TXNL4A: variants seen among roughly 807,000 people sequenced by gnomAD.
TXNL4A encodes the protein thioredoxin like 4A, also known as thioredoxin-like protein 4A.
A neutral mutation model predicts 14.6 loss-of-function variants in TXNL4A; 17 were observed. The observed-to-expected ratio is 1.16, with a 90% confidence interval of 0.80 to 1.74. The LOEUF (loss-of-function observed/expected upper bound fraction) is 1.74. Among genes scored for constraint, TXNL4A ranks in the 40% most tolerant of loss-of-function variants. The probability of loss-of-function intolerance (pLI) is 0.00; values close to 1 mark genes in which losing one functional copy is unlikely to be tolerated. For synonymous variants in TXNL4A, 83 were observed against 70.6 expected, an observed-to-expected ratio of 1.18 and a Z score of -0.88; for missense variants, 74 against 195.2, an observed-to-expected ratio of 0.38 and a Z score of 3.70.
chr18:79,986,765 A>G (rs901679138), intron 1 of TXNL4A: 1 of 985,494 alleles, frequency 1.0e-6, no homozygotes, highest in South Asian at 4.7e-5. Context: ...AATGTAGAAC[A>G]GTGAAAGATT....
At chr18:80,027,133 C>T (rs2145130381) in intron 1 of TXNL4A, among the ~76,000 whole-genome samples, 1 of 152,202 alleles carries the variant, frequency 6.6e-6, no homozygotes, top group East Asian at 1.9e-4. Context: ...GGAAAATATT[C>T]TCAGCCATTC....
intron 1 of TXNL4A, among the ~76,000 whole-genome samples, chr18:80,031,434 G>A (rs1448869110): frequency 1.2e-4 from 18 of 152,194 alleles, no homozygotes; most frequent in Non-Finnish European, 1.5e-5. Context: ...ATGCTCCCCA[G>A]GTTATGCTTG....
chr18:79,989,539 T>G (rs1157848601), upstream of TXNL4A, among the ~76,000 whole-genome samples: 3 of 152,136 alleles, frequency 2.0e-5, no homozygotes, highest in African/African-American at 7.2e-5. Flanking sequence ...CAAAGAGAAA[T>G]AAGTTAATAT....
At chr18:80,006,885 CCTTTT>C (rs1268223240) in intron 1 of TXNL4A, among the ~76,000 whole-genome samples, 1 of 152,186 alleles carries the variant, frequency 6.6e-6, no homozygotes, top group Non-Finnish European at 1.5e-5. Flanking sequence ...GCCAACTCAT[CCTTTT>C]ATTATGCAAA....
intron 1 of TXNL4A, among the ~76,000 whole-genome samples, chr18:79,981,336 T>C (rs1450779931): frequency 1.3e-5 from 2 of 152,186 alleles, no homozygotes; most frequent in Non-Finnish European, 1.5e-5. Context: ...TAGTAAATAT[T>C]ATAAGCATCT....
intron 1 of TXNL4A, among the ~76,000 whole-genome samples, chr18:79,979,182 C>T (rs2051425657): frequency 6.6e-6 from 1 of 152,062 alleles, no homozygotes; most frequent in Admixed American, 6.6e-5. Context: ...AGGTGATCCA[C>T]CCACCTCGGC....
rs553148364 is a variant in TXNL4A, at chr18:79,982,904, C to T, written c.154-5203G>A. 1.3e-5 allele frequency among the ~76,000 whole-genome samples: 2 copies of T among 152,202 alleles called. No homozygotes were observed. The highest frequency in any genetic ancestry group is 4.2e-4 in the South Asian group (2 of 4,812). ...AACATCCAGCAGCATCTGCTGGTGGCGACATTTCCACGGTAACCAAGCGCT... is the reference window on the plus strand; with the variant it reads ...AACATCCAGCAGCATCTGCTGGTGGTGACATTTCCACGGTAACCAAGCGCT... On this transcript the variant is annotated intron_variant, in intron 1 of 2. Coordinates refer to ENST00000269601, the MANE Select transcript of TXNL4A (RefSeq NM_006701.5). This position sits in a 1 kb window ranked among gnomAD's most constrained non-coding sequence, Gnocchi z 4.0.
intron 1 of TXNL4A, among the ~76,000 whole-genome samples, chr18:80,028,940 G>C (rs1472248156): frequency 2.0e-5 from 3 of 152,164 alleles, no homozygotes; most frequent in Non-Finnish European, 4.4e-5. Flanking sequence ...ACCACAGAAA[G>C]GGTAACCAAT....
At chr18:79,977,360 T>C in intron 2 of TXNL4A, 1 of 533,364 alleles carries the variant, frequency 1.9e-6, no homozygotes. Context: ...TTCACCTAGG[T>C]TTCCCCGCAA....
intron 1 of TXNL4A, among the ~76,000 whole-genome samples, chr18:79,985,149 C>G (rs970490823): frequency 6.6e-6 from 1 of 152,036 alleles, no homozygotes; most frequent in Non-Finnish European, 1.5e-5. Flanking sequence ...AAAGACAGCT[C>G]AAAGGTCCAT....
chr18:79,994,375 A>G (rs2051646593), intron 1 of TXNL4A, among the ~76,000 whole-genome samples: 2 of 151,950 alleles, frequency 1.3e-5, no homozygotes, highest in Admixed American at 6.6e-5. Flanking sequence ...CCCTACAGGA[A>G]GCCGACAACT....
chr18:80,023,240 A>T (rs889782535), intron 1 of TXNL4A, among the ~76,000 whole-genome samples: 2 of 152,196 alleles, frequency 1.3e-5, no homozygotes, highest in Non-Finnish European at 1.5e-5. Flanking sequence ...TTTTATTAGG[A>T]TAGCTTCCTC....
intron 1 of TXNL4A, among the ~76,000 whole-genome samples, chr18:80,004,393 C>G (rs923357178): frequency 2.6e-5 from 4 of 152,168 alleles, no homozygotes; most frequent in Admixed American, 6.5e-5. Flanking sequence ...GGTGCCTCTC[C>G]CACCTTACCT....
At chr18:79,986,994 CCCT>C (rs2051560216) in intron 1 of TXNL4A, among the ~76,000 whole-genome samples, 2 of 152,312 alleles carry the variant, frequency 1.3e-5, no homozygotes, top group African/African-American at 2.4e-5. Context: ...TTCCCTAGGT[CCCT>C]CCTCAAGTCC....
At chr18:79,991,128 A>AAAAAGATGGTGAAACCTCGTCT (rs2051626141), upstream of TXNL4A, among the ~76,000 whole-genome samples, 1 of 136,050 alleles carries the variant, frequency 7.4e-6, no homozygotes, top group Non-Finnish European at 1.6e-5. Flanking sequence ...AAAAAAAAAA[A>AAAAAGATGGTGAAACCTCGTCT]CTTTTGTTGA....
chr18:80,029,228 C>G (rs990063542), intron 1 of TXNL4A, among the ~76,000 whole-genome samples: 1 of 152,144 alleles, frequency 6.6e-6, no homozygotes, highest in African/African-American at 2.4e-5. Flanking sequence ...AAAATGATAT[C>G]CCAGCATAAA....
chr18:79,998,247 T>G (rs1267240315), intron 1 of TXNL4A, among the ~76,000 whole-genome samples: 1 of 151,658 alleles, frequency 6.6e-6, no homozygotes, highest in Non-Finnish European at 1.5e-5. Flanking sequence ...GAGCCGAGAT[T>G]GCACCACTGC....
Position 79,973,856 on chromosome 18 carries a change from C to T in TXNL4A, c.258G>A (p.Arg86=). 3 of 1,612,900 alleles carry T rather than the reference C, an allele frequency of 1.9e-6. No individual in the cohort carries two copies. In the South Asian group the frequency reaches 3.3e-5, roughly 18 times the overall value. Residue 86 remains arginine, a splice_region_variant and synonymous_variant, in exon 3 of 3, where the codon AGG becomes AGA. Coordinates refer to ENST00000269601, the MANE Select transcript of TXNL4A (RefSeq NM_006701.5). ...CCAAGTCAATCATGATGTGCTTGTT[C>T]CTGCAACGAGAAACAAGGGCATCCA... is the stretch of plus-strand genomic sequence containing the variant. ...YDPCTVMFFF[R]NKHIMIDLGT...
At chr18:80,005,536 C>A (rs2051724268) in intron 1 of TXNL4A, among the ~76,000 whole-genome samples, 1 of 152,196 alleles carries the variant, frequency 6.6e-6, no homozygotes, top group Non-Finnish European at 1.5e-5. Context: ...AACAGAGAAT[C>A]CTACTGGATA....
Sources: allele counts gnomAD v4.1 joint callset (sites outside exome capture counted in the v4.1 genomes callset), GRCh38; gene constraint gnomAD v4.1.1; non-coding constraint Gnocchi (gnomAD v3.1); transcripts MANE v1.5; gene names NCBI Gene and HGNC (gene_info 2026-07-23, HGNC 2026-07-21).